Variants in BBS9 observed in about 807,000 individuals in gnomAD.
BBS9 encodes the protein Bardet-Biedl syndrome 9.
In BBS9, 89 loss-of-function variants were observed where a neutral mutation model predicts 117.7. The observed-to-expected ratio is 0.76, with a 90% CI of 0.64 to 0.90. The LOEUF (loss-of-function observed/expected upper bound fraction) is 0.90, where lower values mean the gene tolerates loss of function less well. Ranked by LOEUF, BBS9 falls within the 40% of genes least tolerant of loss-of-function variation. The pLI is 0.00. For missense variants in BBS9, 982 were observed against 1,042.2 expected (o/e 0.94, Z 0.80); for synonymous variants, 379 against 370.9 (o/e 1.02, Z -0.25).
In BBS9 at chr7:33,432,136, G is replaced by GTGCAGTGGTGCGATCTCGTCTCAC. The variant is rs550006009; in HGVS notation, c.2115+43997_2115+44020dup. ...GTCTCACTCTGTCGCACAGGCTGGA[G>GTGCAGTGGTGCGATCTCGTCTCAC]TGCAGTGGTGCGATCTCGTCTCACT... On this transcript the variant is annotated intron_variant, in intron 19 of 22. Coordinates refer to ENST00000242067, the MANE Select transcript of BBS9 (RefSeq NM_198428.3). Among the ~76,000 whole-genome samples, 797 of 149,656 alleles carry GTGCAGTGGTGCGATCTCGTCTCAC rather than the reference G, an allele frequency of 5.3e-3. 10 individuals carry two copies. Among genetic ancestry groups the GTGCAGTGGTGCGATCTCGTCTCAC allele is most frequent in the African/African-American group, 0.017 (690 of 40,536 alleles).
At chr7:33,309,279 T>G (rs1163496127) in intron 9 of BBS9, among the ~76,000 whole-genome samples, 3 of 152,186 alleles carry the variant, frequency 2.0e-5, no homozygotes, top group Non-Finnish European at 4.4e-5. Context: ...TAGTGGTGAA[T>G]GAACCCAAGG....
intron 1 of BBS9, among the ~76,000 whole-genome samples, chr7:33,141,985 G>A (rs1269943269): frequency 6.6e-6 from 1 of 151,646 alleles, no homozygotes; most frequent in Non-Finnish European, 1.5e-5. Flanking sequence ...GCCCAGGCCG[G>A]ACTGCAGTGG....
At chr7:33,527,742 C>G (rs1236966672) in intron 20 of BBS9, among the ~76,000 whole-genome samples, 1 of 152,202 alleles carries the variant, frequency 6.6e-6, no homozygotes, top group Non-Finnish European at 1.5e-5. Context: ...TAGACCGGAG[C>G]TGTTTCTATT....
intron 3 of BBS9, among the ~76,000 whole-genome samples, chr7:33,153,576 C>A (rs1793669987): frequency 6.6e-6 from 1 of 152,188 alleles, no homozygotes; most frequent in South Asian, 2.1e-4. Flanking sequence ...TAAATCTGGG[C>A]AGTACCCTAA....
chr7:33,186,977 A>C (rs891667074), intron 5 of BBS9, among the ~76,000 whole-genome samples: 4 of 152,152 alleles, frequency 2.6e-5, no homozygotes, highest in African/African-American at 9.7e-5. Flanking sequence ...GGTGGAATTT[A>C]TTTGTTTTGG....
At chr7:33,357,312 A>G (rs1285409505) in intron 15 of BBS9, among the ~76,000 whole-genome samples, 1 of 151,802 alleles carries the variant, frequency 6.6e-6, no homozygotes, top group Non-Finnish European at 1.5e-5. Flanking sequence ...TGTAAAATGA[A>G]CATGGACTTC....
chr7:33,403,352 A>G (rs1380351861), intron 19 of BBS9, among the ~76,000 whole-genome samples: 1 of 148,938 alleles, frequency 6.7e-6, no homozygotes, highest in Non-Finnish European at 1.5e-5. Flanking sequence ...TTTAGGGTAC[A>G]TGTGCACAAT....
intron 11 of BBS9, among the ~76,000 whole-genome samples, chr7:33,343,770 A>T (rs1435041227): frequency 6.6e-6 from 1 of 152,120 alleles, no homozygotes; most frequent in East Asian, 1.9e-4. Flanking sequence ...AAGTGCTAGG[A>T]TTACAGGCAT....
chr7:33,461,085 T>TATA (rs1839401848), intron 19 of BBS9, among the ~76,000 whole-genome samples: 1 of 152,068 alleles, frequency 6.6e-6, no homozygotes, highest in African/African-American at 2.4e-5. Flanking sequence ...TTTATGGCTG[T>TATA]ATAATAGTCC....
At chr7:33,386,692 C>T (rs1479793151) in intron 18 of BBS9, among the ~76,000 whole-genome samples, 4 of 151,854 alleles carry the variant, frequency 2.6e-5, no homozygotes, top group Admixed American at 6.6e-5. Context: ...GACGGGGTTT[C>T]ACTGTGTTAG....
At chr7:33,373,491 A>G (rs915652026) in intron 17 of BBS9, among the ~76,000 whole-genome samples, 3 of 152,180 alleles carry the variant, frequency 2.0e-5, no homozygotes, top group African/African-American at 7.2e-5. Context: ...AAGTGCTCAA[A>G]AAGTTTGGAA....
At chr7:33,582,588 A>G (rs1860158987) in intron 21 of BBS9, among the ~76,000 whole-genome samples, 1 of 152,088 alleles carries the variant, frequency 6.6e-6, no homozygotes. Context: ...TCAAAGTTAC[A>G]TAGTTAACAT....
chr7:33,421,581 G>C (rs1260864133), intron 19 of BBS9, among the ~76,000 whole-genome samples: 1 of 152,156 alleles, frequency 6.6e-6, no homozygotes, highest in East Asian at 1.9e-4. Flanking sequence ...GAATGTTCCA[G>C]CAGAGTGCAG....
At chr7:33,243,318 A>G (rs1056305339) in intron 5 of BBS9, among the ~76,000 whole-genome samples, 6 of 152,352 alleles carry the variant, frequency 3.9e-5, no homozygotes, top group African/African-American at 1.4e-4. Context: ...AGAAATATCT[A>G]TTGGAATACA....
At chr7:33,403,487 G>A (rs1039119007) in intron 19 of BBS9, among the ~76,000 whole-genome samples, 3 of 107,440 alleles carry the variant, frequency 2.8e-5, no homozygotes, top group East Asian at 3.0e-4. Context: ...CACAACAGTC[G>A]CCAGAGTGTG....
chr7:33,541,651 A>G (rs894272220), intron 21 of BBS9, among the ~76,000 whole-genome samples: 3 of 152,368 alleles, frequency 2.0e-5, no homozygotes, highest in Middle Eastern at 3.4e-3. Flanking sequence ...ATACTACAAC[A>G]TGGGTAAACA....
chr7:33,543,982 G>A lies in BBS9; in HGVS notation c.2521+9806G>A, dbSNP rs113081646. ...TGATTTTTTTTCTTCTATTTATTCA[G>A]TTCTGTTTCTGAGACTTTCCAGAGC... is the stretch of plus-strand genomic sequence containing the variant. On this transcript the variant is annotated intron_variant, in intron 21 of 22. Transcript: ENST00000242067. Among the ~76,000 whole-genome samples, 272 of 152,066 alleles carry A rather than the reference G, an allele frequency of 1.8e-3. 2 individuals are homozygous for A. Among genetic ancestry groups the A allele is most frequent in the African/African-American group, 6.4e-3 (267 of 41,480 alleles).
intron 19 of BBS9, among the ~76,000 whole-genome samples, chr7:33,410,141 C>T (rs951616745): frequency 2.0e-5 from 3 of 152,112 alleles, no homozygotes; most frequent in Non-Finnish European, 2.9e-5. Flanking sequence ...AGAACAGTAA[C>T]ATAATTGAAA....
intron 21 of BBS9, among the ~76,000 whole-genome samples, chr7:33,589,799 A>G (rs190835863): frequency 1.3e-5 from 2 of 152,210 alleles, no homozygotes; most frequent in African/African-American, 4.8e-5. Context: ...CAGGAGAGAA[A>G]TCTGGGCTGA....
Sources: gnomAD v4.1 joint callset for allele counts (sites outside exome capture counted in the v4.1 genomes callset) on GRCh38, gnomAD v4.1.1 for gene constraint, MANE v1.5 for transcripts, NCBI Gene and HGNC (gene_info 2026-07-23, HGNC 2026-07-21) for gene names.